LRRC20: variants seen among roughly 807,000 people sequenced by gnomAD.
LRRC20 encodes the protein leucine-rich repeat-containing protein 20.
In LRRC20, 11 loss-of-function variants were observed where a neutral mutation model predicts 14.4. That is an observed-to-expected ratio of 0.77 (90% CI 0.48 to 1.27). LRRC20 has a LOEUF of 1.27. Ranked by LOEUF, LRRC20 falls within the 50% of genes most tolerant of loss-of-function variation. The pLI is 0.00. For missense variants in LRRC20, 219 were observed against 251.2 expected (o/e 0.87, Z 0.87); for synonymous variants, 121 against 107.3 (o/e 1.13, Z -0.79).
intron 3 of LRRC20, among the ~76,000 whole-genome samples, chr10:70,332,370 G>A (rs1842573164): frequency 6.6e-6 from 1 of 152,258 alleles, no homozygotes; most frequent in South Asian, 2.1e-4. Flanking sequence ...CAGGCCAGGT[G>A]CAGTGGCTCA....
intron 2 of LRRC20, among the ~76,000 whole-genome samples, chr10:70,351,481 G>A (rs953250009): frequency 2.6e-5 from 4 of 152,218 alleles, no homozygotes; most frequent in East Asian, 1.9e-4. Context: ...GTTCTTTAAC[G>A]AACTGTATTA....
chr10:70,304,496 A>ATATATATATATATATATATATT (rs1841340159), intron 4 of LRRC20, among the ~76,000 whole-genome samples: 2 of 106,814 alleles, frequency 1.9e-5, no homozygotes, highest in Non-Finnish European at 3.8e-5. Context: ...ATATATATAT[A>ATATATATATATATATATATATT]TATATATATA....
At chr10:70,335,537 C>T (rs1458781933) in intron 3 of LRRC20, among the ~76,000 whole-genome samples, 1 of 152,198 alleles carries the variant, frequency 6.6e-6, no homozygotes, top group Non-Finnish European at 1.5e-5. Context: ...AGAAGGAGCT[C>T]GCAACCTCCC....
intron 3 of LRRC20, among the ~76,000 whole-genome samples, chr10:70,335,410 C>T (rs1842696581): frequency 6.6e-6 from 1 of 152,214 alleles, no homozygotes; most frequent in Non-Finnish European, 1.5e-5. Context: ...CCACACACAG[C>T]TGCTCCCGAC....
At position 70,312,702 on chromosome 10, in the gene LRRC20, T is replaced by C. The variant is rs1841715363; in HGVS notation, c.400+11161A>G. On this transcript the variant is annotated intron_variant, in intron 4 of 4. Coordinates refer to ENST00000446961, the MANE Select transcript of LRRC20 (RefSeq NM_001278212.2). Reference sequence around the variant, plus strand: ...ATTTTGGCACTGCCATTTAAAGCTGTGCACCCTCAGGCAAGCCCCTTCACA... The same window carrying C: ...ATTTTGGCACTGCCATTTAAAGCTGCGCACCCTCAGGCAAGCCCCTTCACA... Among the ~76,000 whole-genome samples, 4 of 152,270 alleles carry C rather than the reference T, an allele frequency of 2.6e-5. No individual in the cohort carries two copies. In the South Asian group the frequency reaches 8.3e-4, roughly 32 times the overall value.
rs184177698 is a variant in LRRC20, at chr10:70,323,229, C to A, written c.400+634G>T. Among the ~76,000 whole-genome samples, 3 of 152,078 alleles carry A rather than the reference C, an allele frequency of 2.0e-5. No individual in the cohort carries two copies. The East Asian group carries it at 5.8e-4, about 30-fold the overall frequency. ...TAGACCACTAGCTGGAGTTGAGGCT[C>A]GGCTCTCTGAGGTCCTGATGAGACA... On this transcript the variant is annotated intron_variant, in intron 4 of 4. Coordinates refer to ENST00000446961, the MANE Select transcript of LRRC20 (RefSeq NM_001278212.2).
chr10:70,363,092 G>A (rs1843811864), intron 2 of LRRC20, among the ~76,000 whole-genome samples: 1 of 139,248 alleles, frequency 7.2e-6, no homozygotes, highest in Non-Finnish European at 1.5e-5. Flanking sequence ...GCAAGATGGT[G>A]AGACTTATCT....
intron 4 of LRRC20, among the ~76,000 whole-genome samples, chr10:70,319,652 C>T (rs754869446): frequency 1.3e-5 from 2 of 152,116 alleles, no homozygotes; most frequent in Non-Finnish European, 2.9e-5. Context: ...GGTTGAGACT[C>T]GCATCTCATT....
At chr10:70,358,094 G>C (rs75539769) in intron 2 of LRRC20, among the ~76,000 whole-genome samples, 5,585 of 152,242 alleles carry the variant, frequency 0.037, 160 homozygotes, top group East Asian at 0.055. Context: ...TGAGAACATC[G>C]CCCTACAGAG....
intron 1 of LRRC20, chr10:70,381,942 G>C (rs1279997906): frequency 1.3e-5 from 2 of 152,288 alleles, no homozygotes; most frequent in Non-Finnish European, 2.9e-5. Flanking sequence ...CCAGGCAAGG[G>C]TCCCCCAGCC....
At chr10:70,339,533 C>T (rs10999279) in intron 3 of LRRC20, among the ~76,000 whole-genome samples, 25,338 of 151,848 alleles carry the variant, frequency 0.17, 2,179 homozygotes, top group Middle Eastern at 0.3. Flanking sequence ...AGGATCTGCC[C>T]CCCTAGGCTT....
At chr10:70,370,308 C>T (rs2137149340) in intron 2 of LRRC20, among the ~76,000 whole-genome samples, 1 of 152,322 alleles carries the variant, frequency 6.6e-6, no homozygotes. Context: ...CCAGAGGACA[C>T]AGCCCTGCGA....
At chr10:70,379,978 C>T (rs577601041) in intron 1 of LRRC20, among the ~76,000 whole-genome samples, 1 of 152,282 alleles carries the variant, frequency 6.6e-6, no homozygotes, top group Non-Finnish European at 1.5e-5. Context: ...CTAATGCGGC[C>T]GCTGGTCTGA....
intron 2 of LRRC20, among the ~76,000 whole-genome samples, chr10:70,368,374 G>T (rs1255728027): frequency 6.6e-6 from 1 of 151,664 alleles, no homozygotes; most frequent in East Asian, 2.0e-4. Flanking sequence ...AGCCAGGATG[G>T]TCTTGATCTC....
chr10:70,301,245 G>GCCCCCCC lies in LRRC20; in HGVS notation c.*108_*109insGGGGGGG. On this transcript the variant is annotated 3_prime_UTR_variant, in exon 5 of 5. Transcript: ENST00000446961. ...CACCCCACCCACCACGTGCTGCTCG[G>GCCCCCCC]CCCACCCGCCCCCAGCCCCCAGGCT... 1 of 1,465,170 alleles carries GCCCCCCC rather than the reference G, an allele frequency of 6.8e-7. No homozygotes were observed. The highest frequency in any genetic ancestry group is 9.0e-7 in the Non-Finnish European group (1 of 1,112,526). The allele number at this position is 1,465,170 out of a possible 1,614,324, so 90.8% of individuals were successfully genotyped here. A position where few individuals can be genotyped will look rare whatever the true frequency, so the allele number is the denominator to read the frequency against.
At chr10:70,361,048 TAAA>T (rs71472958) in intron 2 of LRRC20, among the ~76,000 whole-genome samples, 3 of 122,806 alleles carry the variant, frequency 2.4e-5, no homozygotes, top group African/African-American at 3.1e-5. Context: ...ACCCCATCTC[TAAA>T]AAAAAAAAAA....
chr10:70,339,597 G>A (rs896477915), intron 3 of LRRC20, among the ~76,000 whole-genome samples: 1 of 152,062 alleles, frequency 6.6e-6, no homozygotes, highest in Non-Finnish European at 1.5e-5. Context: ...TACAACAGGC[G>A]CCCATGCCAC....
intron 2 of LRRC20, 89 bp downstream of exon 2, chr10:70,376,361 CTG>C: frequency 7.6e-7 from 1 of 1,312,088 alleles, no homozygotes; most frequent in South Asian, 1.2e-5. Context: ...AGGTTGCACA[CTG>C]ACGCTTGTGT....
intron 2 of LRRC20, among the ~76,000 whole-genome samples, chr10:70,363,486 T>C (rs1843834486): frequency 6.6e-6 from 1 of 152,104 alleles, no homozygotes; most frequent in African/African-American, 2.4e-5. Flanking sequence ...GCCTCCAGAA[T>C]TGTGAGAAAT....
Sources: allele counts gnomAD v4.1 joint callset (sites outside exome capture counted in the v4.1 genomes callset), GRCh38; gene constraint gnomAD v4.1.1; transcripts MANE v1.5; gene names NCBI Gene and HGNC (gene_info 2026-07-23, HGNC 2026-07-21).